SOS1: variants seen among roughly 807,000 people sequenced by gnomAD.
The protein encoded by SOS1 is SOS Ras/Rac guanine nucleotide exchange factor 1.
In SOS1, 25 loss-of-function variants were observed where a neutral mutation model predicts 157.6. That is an observed-to-expected ratio of 0.16 (90% CI 0.12 to 0.22). The LOEUF (loss-of-function observed/expected upper bound fraction) is 0.22. SOS1 is among the 10% of genes least tolerant of loss of function. The pLI, the probability that SOS1 is intolerant of heterozygous loss-of-function variation, is 1.00. For missense variants in SOS1, 1,237 were observed against 1,599.1 expected (o/e 0.77, Z 3.86); for synonymous variants, 528 against 534.0 (o/e 0.99, Z 0.16).
chr2:38,995,783 T>C (rs1429564893), intron 19 of SOS1, among the ~76,000 whole-genome samples: 2 of 152,226 alleles, frequency 1.3e-5, no homozygotes, highest in African/African-American at 4.8e-5. Flanking sequence ...TTCTATTCTG[T>C]AATACAGTGA....
intron 2 of SOS1, among the ~76,000 whole-genome samples, chr2:39,064,324 T>G (rs1233604531): frequency 6.6e-6 from 1 of 152,224 alleles, no homozygotes; most frequent in East Asian, 1.9e-4. Context: ...TCAAGTGATG[T>G]TAACACCTCT....
chr2:39,118,916 A>T (rs1299812179), intron 1 of SOS1, among the ~76,000 whole-genome samples: 1 of 152,224 alleles, frequency 6.6e-6, no homozygotes, highest in African/African-American at 2.4e-5. Flanking sequence ...AAGGATCCTC[A>T]GCTGATACCT....
chr2:39,048,040 A>G (rs1670855666), intron 6 of SOS1, among the ~76,000 whole-genome samples: 1 of 152,188 alleles, frequency 6.6e-6, no homozygotes, highest in African/African-American at 2.4e-5. Context: ...CTTCCAGTCT[A>G]TAGCTTGCCT....
chr2:39,045,281 T>A (rs1181218096), intron 6 of SOS1, among the ~76,000 whole-genome samples: 207 of 143,528 alleles, frequency 1.4e-3, no homozygotes, highest in African/African-American at 4.8e-3. Context: ...AGAGTGTGTG[T>A]GTGTGTGTGT....
intron 10 of SOS1, among the ~76,000 whole-genome samples, chr2:39,015,270 C>T (rs1031112528): frequency 6.6e-6 from 1 of 151,634 alleles, no homozygotes; most frequent in African/African-American, 2.4e-5. Flanking sequence ...TCTAGGATGA[C>T]TTATCTAGCT....
intron 2 of SOS1, among the ~76,000 whole-genome samples, chr2:39,064,742 A>ATTTTT (rs4015841): frequency 0.19 from 14,460 of 74,680 alleles, 1,067 homozygotes; most frequent in African/African-American, 0.22. Context: ...TTTAAAATAC[A>ATTTTT]TTTTTTTTTT....
intron 22 of SOS1, among the ~76,000 whole-genome samples, 187 bp from the exon 23 acceptor site, chr2:38,986,502 A>G (rs906802164): frequency 6.6e-6 from 1 of 151,466 alleles, no homozygotes; most frequent in Admixed American, 6.6e-5. Context: ...GCCTTGCTCT[A>G]TTGCCCAGAC....
intron 6 of SOS1, among the ~76,000 whole-genome samples, chr2:39,044,786 G>A (rs954683082): frequency 1.3e-5 from 2 of 152,142 alleles, no homozygotes; most frequent in African/African-American, 2.4e-5. Context: ...GTGGATTTGG[G>A]TATCTGCAGG....
At position 39,014,024 on chromosome 2, in the gene SOS1, A is replaced by G. The variant is rs1248498507; in HGVS notation, c.1941-35T>C. The G allele has an allele frequency of 6.0e-6, 9 of 1,510,774 alleles. No individual in the cohort carries two copies. In the African/African-American group the frequency reaches 8.3e-5, roughly 14 times the overall value. The allele number at this position is 1,510,774 out of a possible 1,614,324, so 93.6% of individuals were successfully genotyped here. ...AATAGAACAAATTAATGAAAAGACT[A>G]ATTATATCGAGTTATACAAATAGAA... On this transcript the variant is annotated intron_variant, in intron 11 of 22. Coordinates refer to ENST00000402219, the MANE Select transcript of SOS1 (RefSeq NM_005633.4).
In SOS1 at chr2:39,079,552, T is replaced by G. The variant is rs188106328; in HGVS notation, c.88-11799A>C. Reference sequence around the variant, plus strand: ...CTCTGTCGCCCAGGTTGGAGTGTAGTAGTGTGATCTCGGCTCACTGCAACC... The same window carrying G: ...CTCTGTCGCCCAGGTTGGAGTGTAGGAGTGTGATCTCGGCTCACTGCAACC... On this transcript the variant is annotated intron_variant, in intron 1 of 22. Transcript: ENST00000402219. Among the ~76,000 whole-genome samples the G allele has an allele frequency of 5.3e-4, 77 of 146,090 alleles. 3 individuals are homozygous for G. The highest frequency in any genetic ancestry group is 1.2e-4 in the Non-Finnish European group (8 of 67,294).
chr2:39,014,628 T>C (rs571257003), intron 11 of SOS1, 137 bp downstream of exon 11: 4 of 501,544 alleles, frequency 8.0e-6, no homozygotes, highest in African/African-American at 5.8e-5. Context: ...TAAATGTTCA[T>C]CTAAGAGATT....
intron 1 of SOS1, among the ~76,000 whole-genome samples, chr2:39,081,498 C>A (rs180986185): frequency 1.3e-5 from 2 of 150,374 alleles, no homozygotes; most frequent in African/African-American, 4.9e-5. Flanking sequence ...CTACCTTGGG[C>A]AACAGAGTGA....
chr2:39,040,366 AGCCATTTTT>A (rs1670527216), intron 6 of SOS1, among the ~76,000 whole-genome samples: 1 of 152,116 alleles, frequency 6.6e-6, no homozygotes, highest in Non-Finnish European at 1.5e-5. Flanking sequence ...TTTCCATTTT[AGCCATTTTT>A]ACGTGTACAA....
At chr2:39,085,349 T>C (rs1267028253) in intron 1 of SOS1, among the ~76,000 whole-genome samples, 2 of 152,208 alleles carry the variant, frequency 1.3e-5, no homozygotes, top group Non-Finnish European at 2.9e-5. Flanking sequence ...CATGCAGTTA[T>C]CCTACCCTAT....
At position 39,087,728 on chromosome 2, in the gene SOS1, G is replaced by A. The variant is rs896970731; in HGVS notation, c.88-19975C>T. 5.6e-4 allele frequency among the ~76,000 whole-genome samples: 86 copies of A among 152,280 alleles called. 1 individual carries two copies. Among genetic ancestry groups the A allele is most frequent in the African/African-American group, 2.0e-3 (84 of 41,570 alleles). On this transcript the variant is annotated intron_variant, in intron 1 of 22. Coordinates refer to ENST00000402219, the MANE Select transcript of SOS1 (RefSeq NM_005633.4). ...CTGTAACCCAGGTTGGAGTGCAGTG[G>A]TGCAATCTTGGTTCACTGCAACCTT...
At position 38,986,286 on chromosome 2, in the gene SOS1, T is replaced by G. The variant is rs1241311094; in HGVS notation, c.3540A>C (p.Pro1180=). The G allele has an allele frequency of 1.9e-6, 3 of 1,613,110 alleles. No homozygotes were observed. Among genetic ancestry groups the G allele is most frequent in the East Asian group, 2.2e-5 (1 of 44,864 alleles). Reference sequence around the variant, plus strand: ...ATGTGGGTTGCCTAGGAGGAATGGCTGGGGGACTGTCCAAATGCTTAGACA... The same window carrying G: ...ATGTGGGTTGCCTAGGAGGAATGGCGGGGGGACTGTCCAAATGCTTAGACA... ...KIMSKHLDSP[P]AIPPRQPTSK... is the part of the protein sequence containing the mutation. The change falls in exon 23 of 23, where the codon CCA becomes CCC. Residue 1180 remains proline, a synonymous_variant. Transcript: ENST00000402219.
At chr2:39,038,540 C>T (rs574734826) in intron 6 of SOS1, among the ~76,000 whole-genome samples, 55 of 151,574 alleles carry the variant, frequency 3.6e-4, no homozygotes, top group Non-Finnish European at 5.3e-4. Context: ...TCGAGACCAT[C>T]CTGGCCAACA....
intron 5 of SOS1, among the ~76,000 whole-genome samples, chr2:39,051,912 C>G (rs2124598263): frequency 6.6e-6 from 1 of 152,226 alleles, no homozygotes; most frequent in African/African-American, 2.4e-5. Context: ...CCATAAAATT[C>G]ACTCATTAAA....
upstream of SOS1, among the ~76,000 whole-genome samples, chr2:39,122,306 T>C (rs909692381): frequency 6.6e-6 from 1 of 152,038 alleles, no homozygotes. Flanking sequence ...GGTGGGCGCC[T>C]GTAATCCCAG....
Sources: allele counts gnomAD v4.1 joint callset (sites outside exome capture counted in the v4.1 genomes callset), GRCh38; gene constraint gnomAD v4.1.1; transcripts MANE v1.5; gene names NCBI Gene and HGNC (gene_info 2026-07-23, HGNC 2026-07-21).